The following TBCD variants were observed in gnomAD, a reference collection of about 807,000 sequenced individuals.
TBCD encodes tubulin folding cofactor D, also known as tubulin-specific chaperone D.
A neutral mutation model predicts 169.3 loss-of-function variants in TBCD; 105 were observed. The observed-to-expected ratio is 0.62, with a 90% CI of 0.53 to 0.73. TBCD has a LOEUF of 0.73. TBCD is among the 30% of genes least tolerant of loss of function. The pLI, the probability that TBCD is intolerant of heterozygous loss-of-function variation, is 0.00. For missense variants in TBCD, 1,444 were observed against 1,600.1 expected, an observed-to-expected ratio of 0.90 and a Z score of 1.66; for synonymous variants, 700 against 643.9, an observed-to-expected ratio of 1.09 and a Z score of -1.32.
chr17:82,805,289 C>T (rs192829528), intron 9 of TBCD, among the ~76,000 whole-genome samples: 4 of 152,332 alleles, frequency 2.6e-5, no homozygotes, highest in Admixed American at 6.5e-5. Context: ...GTAGAGCAGG[C>T]CTGACCAGGA....
At chr17:82,863,105 G>T (rs1194951127) in intron 13 of TBCD, among the ~76,000 whole-genome samples, 1 of 152,194 alleles carries the variant, frequency 6.6e-6, no homozygotes, top group Non-Finnish European at 1.5e-5. Flanking sequence ...TAATTTCTTT[G>T]TGTTGCTTTC....
At position 82,924,974 on chromosome 17, in the gene TBCD, A is replaced by C; in HGVS notation, c.2296A>C (p.Asn766His). The C allele has an allele frequency of 6.4e-7, 1 of 1,574,198 alleles. No individual in the cohort carries two copies. The highest frequency in any genetic ancestry group is 8.6e-7 in the Non-Finnish European group (1 of 1,158,634). ...CACGCAGTACCTGGCTGAGCTTCGG[A>C]ACCCCGAGGAGATGACTCGCTGTGG... The part of the protein sequence containing the change: ...LITQYLAELR[N>H]PEEMTRCGFS... The change falls in exon 27 of 39, where the codon AAC (asparagine) becomes CAC (histidine). Residue 766 changes from asparagine (N) to histidine (H), a missense_variant. By Grantham distance (68) the Asn-to-His change is moderately conservative. Coordinates refer to ENST00000355528, the MANE Select transcript of TBCD (RefSeq NM_005993.5).
intron 5 of TBCD, among the ~76,000 whole-genome samples, chr17:82,771,430 T>G (rs1184729599): frequency 6.6e-6 from 1 of 152,004 alleles, no homozygotes; most frequent in Admixed American, 6.5e-5. Context: ...TGAGTTTTTT[T>G]TTTTTTGAGA....
chr17:82,860,176 T>G (rs1400232341), intron 13 of TBCD, among the ~76,000 whole-genome samples: 1 of 152,136 alleles, frequency 6.6e-6, no homozygotes, highest in Non-Finnish European at 1.5e-5. Context: ...TTTTGCTTCT[T>G]TCAAGTTGTT....
At position 82,832,054 on chromosome 17, in the gene TBCD, C is replaced by T. The variant is rs748948272; in HGVS notation, c.1318+17120C>T. The T allele has an allele frequency of 4.3e-6, 7 of 1,613,812 alleles. No individual in the cohort carries two copies. In the African/African-American group the frequency reaches 9.3e-5, roughly 22 times the overall value. On this transcript the variant is annotated intron_variant, in intron 13 of 38. Transcript: ENST00000355528. The surrounding 1 kb of genome is among the most constrained non-coding windows in gnomAD (Gnocchi z 4.9). Reference sequence around the variant, plus strand: ...AGCTGGGCTCTTGCAGGGTGATGCCCTGTGGAGGGCTGGCTTCTGTCCCAG... The same window carrying T: ...AGCTGGGCTCTTGCAGGGTGATGCCTTGTGGAGGGCTGGCTTCTGTCCCAG...
rs777399611 is a variant in TBCD, at chr17:82,937,308, A to C, written c.3229A>C (p.Lys1077Gln). Reference protein sequence around the residue: ...FAVKLLALCKKEIKNSKDIQK... With the variant: ...FAVKLLALCKQEIKNSKDIQK... ...TGTGAAGTTGCTTGCGCTCTGTAAG[A>C]AAGAAATCAAGAATTCAAAAGATAT... is the stretch of plus-strand genomic sequence containing the variant. The change falls in exon 35 of 39, where the codon AAA (lysine) becomes CAA (glutamine). Residue 1077 changes from lysine (K) to glutamine (Q), a missense_variant. By Grantham distance (53) the Lys-to-Gln change is moderately conservative. Coordinates refer to ENST00000355528, the MANE Select transcript of TBCD (RefSeq NM_005993.5). 3.1e-6 allele frequency: 5 copies of C among 1,613,910 alleles called. No individual in the cohort carries two copies. Among genetic ancestry groups the C allele is most frequent in the Non-Finnish European group, 4.2e-6 (5 of 1,179,894 alleles).
In TBCD at chr17:82,789,349, C is replaced by G. The variant is rs1204833438; in HGVS notation, c.771+7628C>G. Among the ~76,000 whole-genome samples the G allele has an allele frequency of 6.6e-6, 1 of 152,238 alleles. No homozygotes were observed. Among genetic ancestry groups the G allele is most frequent in the East Asian group, 1.9e-4 (1 of 5,198 alleles). On this transcript the variant is annotated intron_variant, in intron 7 of 38. Coordinates refer to ENST00000355528, the MANE Select transcript of TBCD (RefSeq NM_005993.5). The surrounding 1 kb of genome is among the most constrained non-coding windows in gnomAD (Gnocchi z 4.8). ...GAGTCCCCATCAGCCCTGGCCCATC[C>G]CTGCTGAGGTGGCGCGACCTGCTCA... is the stretch of plus-strand genomic sequence containing the variant.
chr17:82,935,805 A>G (rs560734866), intron 34 of TBCD, among the ~76,000 whole-genome samples: 2 of 151,896 alleles, frequency 1.3e-5, no homozygotes, highest in Admixed American at 1.3e-4. Context: ...CCACGTTTTT[A>G]CTTTCTTTGT....
At chr17:82,821,121 A>AG (rs398120078) in intron 13 of TBCD, among the ~76,000 whole-genome samples, 1 of 151,394 alleles carries the variant, frequency 6.6e-6, no homozygotes, top group African/African-American at 2.4e-5. Flanking sequence ...GGAAAAAAAA[A>AG]TTGTAGAAAC....
intron 2 of TBCD, among the ~76,000 whole-genome samples, chr17:82,760,450 G>C (rs918601737): frequency 6.6e-6 from 1 of 152,062 alleles, no homozygotes; most frequent in African/African-American, 2.4e-5. Context: ...GATGATTCCT[G>C]GAGACTTTTT....
intron 13 of TBCD, chr17:82,858,388 AACTT>A (rs1401237013): frequency 1.2e-5 from 2 of 160,424 alleles, no homozygotes; most frequent in Non-Finnish European, 2.6e-5. Flanking sequence ...TTACCTACTA[AACTT>A]ACTTTCACAC....
At chr17:82,861,129 T>TG (rs2056723142) in intron 13 of TBCD, among the ~76,000 whole-genome samples, 1 of 152,004 alleles carries the variant, frequency 6.6e-6, no homozygotes, top group South Asian at 2.1e-4. Context: ...CTGCTGCTGG[T>TG]GGGGGTCAGC....
intron 13 of TBCD, among the ~76,000 whole-genome samples, chr17:82,861,848 G>A (rs1392397488): frequency 6.6e-6 from 1 of 152,122 alleles, no homozygotes; most frequent in Admixed American, 6.5e-5. Flanking sequence ...TAGAAAGTAA[G>A]GTGCTTTCAT....
intron 13 of TBCD, among the ~76,000 whole-genome samples, chr17:82,819,375 C>T (rs1295821760): frequency 6.6e-6 from 1 of 152,196 alleles, no homozygotes; most frequent in Admixed American, 6.5e-5. Flanking sequence ...CTGCTGATTC[C>T]TCTCCACACA....
rs377680304 is a variant in TBCD at position 82,882,952 on chromosome 17, A to C, written c.1476-1193A>C. Among the ~76,000 whole-genome samples, 85 of 152,238 alleles carry C rather than the reference A, an allele frequency of 5.6e-4. 1 individual carries two copies. The highest frequency in any genetic ancestry group is 1.7e-3 in the Admixed American group (26 of 15,304). ...AGCGGGTGACGGTGCCTGCGCTGCC[A>C]GGCTGGAGCGGGTGACGGTGCCCGC... On this transcript the variant is annotated intron_variant, in intron 14 of 38. Coordinates refer to ENST00000355528, the MANE Select transcript of TBCD (RefSeq NM_005993.5).
intron 2 of TBCD, among the ~76,000 whole-genome samples, chr17:82,763,291 A>C (rs553764265): frequency 7.2e-5 from 11 of 152,342 alleles, no homozygotes; most frequent in African/African-American, 1.2e-4. Flanking sequence ...CATTCTGTTT[A>C]TCTCTGATGG....
intron 28 of TBCD, 112 bp downstream of exon 28, chr17:82,926,603 G>C (rs913274504): frequency 1.2e-6 from 1 of 861,498 alleles, no homozygotes; most frequent in Non-Finnish European, 1.8e-6. Flanking sequence ...TCACTTCCTA[G>C]GTTTCCTCTC....
rs540325781 is a variant in TBCD, at chr17:82,864,704, G to A, written c.1319-5520G>A. ...AAAGAGCGGGCTTGGGGCTTGGTGC[G>A]TGATCCCACCGAGGCCGGGGTTGTG... is the stretch of plus-strand genomic sequence containing the variant. On this transcript the variant is annotated intron_variant, in intron 13 of 38. Transcript: ENST00000355528. This position sits in a 1 kb window ranked among gnomAD's most constrained non-coding sequence, Gnocchi z 6.3. Among the ~76,000 whole-genome samples, 2 of 152,276 alleles carry A rather than the reference G, an allele frequency of 1.3e-5. No homozygotes were observed. The highest frequency in any genetic ancestry group is 2.1e-4 in the South Asian group (1 of 4,828).
intron 2 of TBCD, among the ~76,000 whole-genome samples, chr17:82,760,717 G>A (rs984284287): frequency 6.6e-6 from 1 of 152,194 alleles, no homozygotes; most frequent in South Asian, 2.1e-4. Context: ...TTACAGAGTT[G>A]TGTAACTATC....
Sources: gnomAD v4.1 joint callset for allele counts (sites outside exome capture counted in the v4.1 genomes callset) on GRCh38, gnomAD v4.1.1 for gene constraint, Gnocchi (gnomAD v3.1) non-coding constraint, MANE v1.5 for transcripts, NCBI Gene and HGNC (gene_info 2026-07-23, HGNC 2026-07-21) for gene names.